The following DLGAP1 variants were observed in gnomAD, a reference collection of about 807,000 sequenced individuals.
DLGAP1 encodes disks large-associated protein 1.
Under a neutral mutation model 90.8 loss-of-function variants are expected in DLGAP1, and 11 were observed. That is an observed-to-expected ratio of 0.12 (90% CI 0.08 to 0.20). The LOEUF is 0.20. DLGAP1 is among the 10% of genes least tolerant of loss of function. The pLI is 1.00. For missense variants in DLGAP1, 1,050 were observed against 1,333.8 expected, an observed-to-expected ratio of 0.79 and a Z score of 3.31; for synonymous variants, 558 against 540.7, an observed-to-expected ratio of 1.03 and a Z score of -0.44.
intron 2 of DLGAP1, among the ~76,000 whole-genome samples, chr18:4,122,694 T>C (rs1321421695): frequency 6.6e-6 from 1 of 152,130 alleles, no homozygotes; most frequent in East Asian, 1.9e-4. Flanking sequence ...TGGAGGTAAG[T>C]ATTTGTATTT....
At chr18:3,586,174 C>A (rs1424390414) in intron 7 of DLGAP1, among the ~76,000 whole-genome samples, 1 of 152,128 alleles carries the variant, frequency 6.6e-6, no homozygotes, top group Non-Finnish European at 1.5e-5. Context: ...TGGTCCAGCC[C>A]CCAACACCCA....
intron 4 of DLGAP1, among the ~76,000 whole-genome samples, chr18:3,864,613 G>T (rs529154023): frequency 6.6e-6 from 1 of 152,246 alleles, no homozygotes; most frequent in Admixed American, 6.5e-5. Flanking sequence ...CTAAGAAGAA[G>T]GATTATGAAG....
intron 3 of DLGAP1, among the ~76,000 whole-genome samples, chr18:4,003,592 T>G (rs554089569): frequency 4.8e-4 from 73 of 152,224 alleles, no homozygotes; most frequent in African/African-American, 1.4e-3. Context: ...ATGGGAAAGT[T>G]TGAAAGAGGT....
At chr18:4,328,215 G>GT (rs1555783037) in intron 1 of DLGAP1, among the ~76,000 whole-genome samples, 1 of 151,740 alleles carries the variant, frequency 6.6e-6, no homozygotes, top group African/African-American at 2.4e-5. Context: ...TAATAAACCT[G>GT]TTTTTTTCCT....
chr18:4,156,034 T>C (rs947749673), intron 1 of DLGAP1, among the ~76,000 whole-genome samples: 6 of 152,078 alleles, frequency 3.9e-5, no homozygotes, highest in Non-Finnish European at 8.8e-5. Flanking sequence ...TTTTGATGGA[T>C]TGGGTGATTA....
Position 3,954,534 on chromosome 18 carries a change from C to G in DLGAP1, c.-73+50582G>C, listed in dbSNP as rs779717835. ...TTCACACAAGAAGGTGTCAGTCACACTTAATTATTTTTTAAGCAAAAAGTT... is the reference window on the plus strand; with the variant it reads ...TTCACACAAGAAGGTGTCAGTCACAGTTAATTATTTTTTAAGCAAAAAGTT... On this transcript the variant is annotated intron_variant, in intron 3 of 12. Coordinates refer to ENST00000315677, the MANE Select transcript of DLGAP1 (RefSeq NM_004746.4). Among the ~76,000 whole-genome samples, 76 of 152,188 alleles carry G rather than the reference C, an allele frequency of 5.0e-4. 1 individual carries two copies. Among genetic ancestry groups the G allele is most frequent in the Admixed American group, 4.6e-4 (7 of 15,266 alleles).
At chr18:3,732,924 G>T (rs1031334985) in intron 6 of DLGAP1, among the ~76,000 whole-genome samples, 1 of 152,044 alleles carries the variant, frequency 6.6e-6, no homozygotes, top group Non-Finnish European at 1.5e-5. Context: ...TCAGTGAGAA[G>T]AACTAGGATA....
In DLGAP1 at chr18:3,880,056, A is replaced by G. The variant is rs1359423312; in HGVS notation, c.13T>C (p.Ser5Pro). Residue 5 changes from serine to proline, a missense_variant, in exon 4 of 13, where the codon TCA becomes CCA. By Grantham distance (74) the Ser-to-Pro change is moderately conservative. Transcript: ENST00000315677. ...CCGTGGTGATGGCTGCGGCTGCCTG[A>G]TAGCCCTTTCATGGCGGACCGGAAG... The part of the protein sequence containing the change: MKGL[S>P]GSRSHHHGVT... The G allele has an allele frequency of 6.2e-7, 1 of 1,601,940 alleles. No homozygotes were observed. The highest frequency in any genetic ancestry group is 1.3e-5 in the African/African-American group (1 of 75,010).
chr18:4,238,492 T>A (rs1261615654), intron 1 of DLGAP1, among the ~76,000 whole-genome samples: 2 of 152,170 alleles, frequency 1.3e-5, no homozygotes, highest in African/African-American at 2.4e-5. Flanking sequence ...AGAAAAGACG[T>A]CTCAGTGTTG....
At chr18:4,266,085 T>A (rs1323656020) in intron 1 of DLGAP1, among the ~76,000 whole-genome samples, 1 of 152,150 alleles carries the variant, frequency 6.6e-6, no homozygotes, top group East Asian at 1.9e-4. Flanking sequence ...ATAATGGAAT[T>A]TGAAATTTGT....
intron 3 of DLGAP1, among the ~76,000 whole-genome samples, chr18:3,933,323 G>A (rs576726521): frequency 2.0e-5 from 3 of 152,278 alleles, no homozygotes; most frequent in African/African-American, 7.2e-5. Flanking sequence ...TACATGCAGT[G>A]GGCTGAGAAT....
At chr18:4,189,132 A>G (rs1467089976) in intron 1 of DLGAP1, among the ~76,000 whole-genome samples, 1 of 152,176 alleles carries the variant, frequency 6.6e-6, no homozygotes, top group Non-Finnish European at 1.5e-5. Context: ...TTTGATGAAC[A>G]TCATCTCCAT....
At chr18:4,185,469 G>A (rs2077276899) in intron 1 of DLGAP1, among the ~76,000 whole-genome samples, 1 of 151,890 alleles carries the variant, frequency 6.6e-6, no homozygotes, top group South Asian at 2.1e-4. Context: ...TTATCCATGT[G>A]TTTTCATCGT....
rs2083156007 is a variant in DLGAP1 at position 4,426,398 on chromosome 18, G to A, written c.-267+28608C>T. On this transcript the variant is annotated intron_variant, in intron 1 of 12. Transcript: ENST00000315677. ...CCTTCTCTTAAATACAAATGCTGGC[G>A]GTGACTGCTTGTGCTTTTGAATTCT... 2.0e-5 allele frequency among the ~76,000 whole-genome samples: 3 copies of A among 152,144 alleles called. No homozygotes were observed. In the South Asian group the frequency reaches 6.2e-4, roughly 32 times the overall value.
At chr18:4,436,841 G>A (rs1207023671) in intron 1 of DLGAP1, among the ~76,000 whole-genome samples, 1 of 152,144 alleles carries the variant, frequency 6.6e-6, no homozygotes, top group African/African-American at 2.4e-5. Flanking sequence ...CAGTGATTAT[G>A]CTTATCAAAA....
chr18:3,880,239 A>C lies in DLGAP1; in HGVS notation c.-72-99T>G, dbSNP rs2071120350. ...TGCTCTGTTGCCCAGGCTAGAGTGC[A>C]CAGGCGCCATCTCTGCTTCCTGCAG... On this transcript the variant is annotated intron_variant, in intron 3 of 12. Transcript: ENST00000315677. 22 of 645,800 alleles carry C rather than the reference A, an allele frequency of 3.4e-5. No individual in the cohort carries two copies. In the South Asian group the frequency reaches 4.0e-4, roughly 12 times the overall value. 40.0% of individuals were successfully genotyped at this position (645,800 alleles called of 1,614,324 possible).
intron 3 of DLGAP1, among the ~76,000 whole-genome samples, chr18:3,903,102 G>A (rs2071820122): frequency 6.6e-6 from 1 of 152,106 alleles, no homozygotes; most frequent in South Asian, 2.1e-4. Flanking sequence ...GCTCTTGGAA[G>A]GCAAGAACCA....
At chr18:4,020,053 C>T (rs1311033070) in intron 2 of DLGAP1, among the ~76,000 whole-genome samples, 1 of 152,092 alleles carries the variant, frequency 6.6e-6, no homozygotes, top group Non-Finnish European at 1.5e-5. Flanking sequence ...TTTATCTATA[C>T]AAAGGAATGT....
chr18:3,575,397 G>T (rs202188917), intron 8 of DLGAP1, among the ~76,000 whole-genome samples: 1 of 152,148 alleles, frequency 6.6e-6, no homozygotes, highest in East Asian at 1.9e-4. Flanking sequence ...CATCTGTTTT[G>T]CAAATTGAGT....
Sources: gnomAD v4.1 joint callset for allele counts (sites outside exome capture counted in the v4.1 genomes callset) on GRCh38, gnomAD v4.1.1 for gene constraint, MANE v1.5 for transcripts, NCBI Gene and HGNC (gene_info 2026-07-23, HGNC 2026-07-21) for gene names.